Variants in LYST observed in about 807,000 individuals in gnomAD.
The protein encoded by LYST is lysosomal trafficking regulator, also known as lysosomal-trafficking regulator.
LYST carries 192 observed loss-of-function variants against 413.6 expected under a neutral mutation model. That is an observed-to-expected ratio of 0.46 (90% CI 0.41 to 0.52). The LOEUF (loss-of-function observed/expected upper bound fraction) is 0.52. Among genes scored for constraint, LYST ranks in the 20% least tolerant of loss-of-function variants. The pLI, the probability that LYST is intolerant of heterozygous loss-of-function variation, is 0.00. For synonymous variants in LYST, 1,525 were observed against 1,567.3 expected (o/e 0.97, Z 0.64); for missense variants, 3,815 against 4,499.9 (o/e 0.85, Z 4.35).
Position 235,808,829 on chromosome 1 carries a change from G to C in LYST, c.1989C>G (p.Leu663=). Residue 663 remains leucine, a synonymous_variant, in exon 5 of 53, where the codon CTC becomes CTG. Coordinates refer to ENST00000389793, the MANE Select transcript of LYST (RefSeq NM_000081.4). ...AAGAAGGACTGGATAAACTTGAGGA[G>C]AGTTCAGCATCACATAAGTTTCCCT... ...TLQGNLCDAE[L]SSSLSSPSYR... is the part of the protein sequence containing the mutation. The C allele has an allele frequency of 2.5e-6, 4 of 1,614,072 alleles. No homozygotes were observed. The South Asian group carries it at 4.4e-5, about 18-fold the overall frequency.
At chr1:235,768,855 T>C (rs1177860437) in intron 20 of LYST, among the ~76,000 whole-genome samples, 1 of 152,088 alleles carries the variant, frequency 6.6e-6, no homozygotes, top group African/African-American at 2.4e-5. Context: ...GCAAGGGGCC[T>C]GAAGGATCAA....
chr1:235,875,970 A>G (rs1035633229), intron 1 of LYST, among the ~76,000 whole-genome samples: 1 of 152,200 alleles, frequency 6.6e-6, no homozygotes, highest in Admixed American at 6.5e-5. Flanking sequence ...TTGTAATCCC[A>G]GCACTTTGGG....
intron 14 of LYST, 90 bp from the exon 15 acceptor site, chr1:235,782,177 ATTC>A: frequency 5.3e-6 from 6 of 1,125,010 alleles, no homozygotes; most frequent in Non-Finnish European, 7.6e-6. Flanking sequence ...ACAATGGGGA[ATTC>A]TTTTTTTTTT....
At chr1:235,767,377 C>T (rs78845350) in intron 20 of LYST, among the ~76,000 whole-genome samples, 2,159 of 152,192 alleles carry the variant, frequency 0.014, 36 homozygotes, top group Middle Eastern at 0.044. Flanking sequence ...ACTGAGTCTA[C>T]AGAAGAAAAC....
intron 19 of LYST, among the ~76,000 whole-genome samples, chr1:235,771,948 CA>C (rs1668745933): frequency 1.1e-5 from 1 of 93,088 alleles, no homozygotes; most frequent in Non-Finnish European, 1.9e-5. Flanking sequence ...TTTGGCCAGG[CA>C]TGGGGGGCTC....
At chr1:235,783,196 A>C (rs755032963) in intron 14 of LYST, among the ~76,000 whole-genome samples, 6 of 152,194 alleles carry the variant, frequency 3.9e-5, no homozygotes, top group African/African-American at 7.2e-5. Context: ...GAGAAATTCA[A>C]CTTTGTGTAT....
Position 235,806,707 on chromosome 1 carries a change from T to C in LYST, c.2429A>G (p.Asn810Ser). ...VSQIIELNCL[N>S]GIRSHSLKAF... Reference sequence around the variant, plus strand: ...TTTTAGAGAATGACTTCGAATACCATTTAAGCAATTTAATTCGATTATTTG... The same window carrying C: ...TTTTAGAGAATGACTTCGAATACCACTTAAGCAATTTAATTCGATTATTTG... Residue 810 changes from asparagine (N) to serine (S), a missense_variant, in exon 6 of 53, where the codon AAT (asparagine) becomes AGT (serine). Physicochemically the swap from Asn to Ser is conservative, Grantham distance 46. Transcript: ENST00000389793. 1.2e-6 allele frequency: 2 copies of C among 1,613,364 alleles called. No individual in the cohort carries two copies. Among genetic ancestry groups the C allele is most frequent in the Non-Finnish European group, 1.7e-6 (2 of 1,179,342 alleles).
chr1:235,683,817 CA>C (rs1660014296), intron 48 of LYST, among the ~76,000 whole-genome samples: 1 of 152,216 alleles, frequency 6.6e-6, no homozygotes, highest in South Asian at 2.1e-4. Context: ...GCTAACCTCA[CA>C]AGCTCAGGGT....
At position 235,805,919 on chromosome 1, in the gene LYST, T is replaced by C. The variant is rs151130915; in HGVS notation, c.3217A>G (p.Ile1073Val). The C allele has an allele frequency of 9.7e-5, 156 of 1,614,000 alleles. No individual in the cohort carries two copies. The African/African-American group carries it at 1.8e-3, about 18-fold the overall frequency. ...GKLELQHISSINVEEVSATEA... is the reference protein window; with the variant it reads ...GKLELQHISSVNVEEVSATEA... ...GTAGCTGAAACTTCTTCCACATTTA[T>C]GGAAGAAATATGCTGTAACTCTAAT... is the stretch of plus-strand genomic sequence containing the variant. The change falls in exon 6 of 53, where the codon ATA becomes GTA. Residue 1073 changes from isoleucine (I) to valine (V), a missense_variant. Transcript: ENST00000389793.
chr1:235,723,098 A>G (rs1663530480), intron 39 of LYST, among the ~76,000 whole-genome samples: 1 of 152,190 alleles, frequency 6.6e-6, no homozygotes. Flanking sequence ...GGTATGAGAG[A>G]AGAACAAGAG....
chr1:235,858,950 A>G (rs1267608065), intron 1 of LYST, among the ~76,000 whole-genome samples: 1 of 152,164 alleles, frequency 6.6e-6, no homozygotes, highest in Non-Finnish European at 1.5e-5. Context: ...CAAGCCTGGA[A>G]GGGTATTCAT....
intron 43 of LYST, among the ~76,000 whole-genome samples, chr1:235,710,903 C>CCA (rs1387970740): frequency 1.3e-5 from 2 of 152,244 alleles, no homozygotes; most frequent in East Asian, 3.9e-4. Context: ...CACAGAGAGA[C>CCA]CACATGAAAA....
intron 5 of LYST, among the ~76,000 whole-genome samples, chr1:235,808,008 A>C (rs1673054682): frequency 6.6e-6 from 1 of 152,198 alleles, no homozygotes; most frequent in South Asian, 2.1e-4. Flanking sequence ...TCATATTCCA[A>C]TATGATCTTT....
intron 1 of LYST, among the ~76,000 whole-genome samples, chr1:235,834,319 G>T (rs1301257323): frequency 6.6e-6 from 1 of 152,144 alleles, no homozygotes; most frequent in Admixed American, 6.5e-5. Context: ...GAAGCATGAA[G>T]AATGTTTCCT....
intron 40 of LYST, among the ~76,000 whole-genome samples, chr1:235,718,781 G>A (rs1213788821): frequency 2.6e-5 from 4 of 152,190 alleles, no homozygotes; most frequent in African/African-American, 9.7e-5. Flanking sequence ...AATAAATGCT[G>A]AATTCTGTTC....
intron 3 of LYST, among the ~76,000 whole-genome samples, chr1:235,822,799 T>C (rs761248841): frequency 2.0e-5 from 3 of 152,192 alleles, no homozygotes; most frequent in Non-Finnish European, 4.4e-5. Context: ...CATGTTGTTA[T>C]GTGACTTCTT....
At chr1:235,862,217 G>C (rs760413017) in intron 1 of LYST, among the ~76,000 whole-genome samples, 1 of 152,184 alleles carries the variant, frequency 6.6e-6, no homozygotes, top group African/African-American at 2.4e-5. Context: ...AATAAGAAAA[G>C]TAACTTTAAA....
intron 36 of LYST, 29 bp downstream of exon 36, chr1:235,730,818 A>T: frequency 8.0e-7 from 1 of 1,245,752 alleles, no homozygotes; most frequent in Non-Finnish European, 1.2e-6. Flanking sequence ...TATTCATGAA[A>T]GAGTGAAGGT....
Position 235,853,776 on chromosome 1 carries a change from T to C in LYST, c.-98+13067A>G, listed in dbSNP as rs549096454. On this transcript the variant is annotated intron_variant, in intron 1 of 52. Coordinates refer to ENST00000389793, the MANE Select transcript of LYST (RefSeq NM_000081.4). ...CCAGGAAATAAAGGAAACTCAGGCATAGGGCAGCCAGGCAAAATTTTAATA... is the reference window on the plus strand; with the variant it reads ...CCAGGAAATAAAGGAAACTCAGGCACAGGGCAGCCAGGCAAAATTTTAATA... Among the ~76,000 whole-genome samples, 9 of 152,192 alleles carry C rather than the reference T, an allele frequency of 5.9e-5. No homozygotes were observed. The South Asian group carries it at 1.5e-3, about 25-fold the overall frequency.
Sources: gnomAD v4.1 joint callset for allele counts (sites outside exome capture counted in the v4.1 genomes callset) on GRCh38, gnomAD v4.1.1 for gene constraint, MANE v1.5 for transcripts, NCBI Gene and HGNC (gene_info 2026-07-23, HGNC 2026-07-21) for gene names.